The following CHN2 variants were observed in gnomAD, a reference collection of about 807,000 sequenced individuals.
The protein encoded by CHN2 is beta-chimaerin.
Under a neutral mutation model 56.3 loss-of-function variants are expected in CHN2, and 35 were observed. The observed-to-expected ratio is 0.62, with a 90% CI of 0.47 to 0.82. The LOEUF (loss-of-function observed/expected upper bound fraction) is 0.82, where lower values mean the gene tolerates loss of function less well. Ranked by LOEUF, CHN2 falls within the 40% of genes least tolerant of loss-of-function variation. The probability of loss-of-function intolerance (pLI) is 0.00; values close to 1 mark genes in which losing one functional copy is unlikely to be tolerated. For synonymous variants in CHN2, 210 were observed against 212.8 expected, an observed-to-expected ratio of 0.99 and a Z score of 0.12; for missense variants, 491 against 580.5, an observed-to-expected ratio of 0.85 and a Z score of 1.58.
chr7:29,292,905 C>A (rs1380713711), intron 1 of CHN2: 1 of 456,142 alleles, frequency 2.2e-6, no homozygotes, highest in African/African-American at 2.0e-5. Context: ...CTGGCTGTTT[C>A]CACTCTTGCC....
At chr7:29,307,440 C>T (rs1045408679) in intron 1 of CHN2, among the ~76,000 whole-genome samples, 1 of 152,172 alleles carries the variant, frequency 6.6e-6, no homozygotes, top group Non-Finnish European at 1.5e-5. Context: ...ATGGTCCCTG[C>T]AAACATGTCT....
At chr7:29,351,107 C>CAAAAA (rs55787771) in intron 1 of CHN2, among the ~76,000 whole-genome samples, 15,165 of 69,640 alleles carry the variant, frequency 0.22, 1,543 homozygotes, top group Non-Finnish European at 0.32. Context: ...GACTCCATCT[C>CAAAAA]AAAAAAAAAA....
At chr7:29,162,065 A>G (rs1295542817) in intron 2 of CHN2, among the ~76,000 whole-genome samples, 1 of 152,230 alleles carries the variant, frequency 6.6e-6, no homozygotes, top group Non-Finnish European at 1.5e-5. Flanking sequence ...TCTCTCAGAC[A>G]TCGCTGGTGG....
intron 2 of CHN2, among the ~76,000 whole-genome samples, chr7:29,354,896 G>C (rs1483051991): frequency 6.6e-6 from 1 of 151,824 alleles, no homozygotes; most frequent in African/African-American, 2.4e-5. Context: ...TTAGAAAAGA[G>C]GGGTGGACTT....
intron 6 of CHN2, among the ~76,000 whole-genome samples, chr7:29,477,354 C>T (rs1470910409): frequency 1.3e-5 from 2 of 152,194 alleles, no homozygotes; most frequent in Non-Finnish European, 2.9e-5. Context: ...ACTTGTTATA[C>T]ATACAAGCAC....
chr7:29,310,135 T>C (rs965399113), intron 1 of CHN2, among the ~76,000 whole-genome samples: 2 of 152,066 alleles, frequency 1.3e-5, no homozygotes, highest in African/African-American at 4.8e-5. Flanking sequence ...ACGGATAAAA[T>C]ACATTAAAAT....
intron 6 of CHN2, among the ~76,000 whole-genome samples, chr7:29,456,993 A>G (rs1176857537): frequency 1.3e-5 from 2 of 152,146 alleles, no homozygotes; most frequent in African/African-American, 4.8e-5. Context: ...GCACACTGGT[A>G]TGCCTCTTTT....
At position 29,477,961 on chromosome 7, in the gene CHN2, C is replaced by CA. The variant is rs1175817369; in HGVS notation, c.577-2315dup. Among the ~76,000 whole-genome samples, 3 of 152,312 alleles carry CA rather than the reference C, an allele frequency of 2.0e-5. No individual in the cohort carries two copies. In the East Asian group the frequency reaches 5.8e-4, roughly 29 times the overall value. ...ACACTTTTGTAGGGGGAAACAAAAG[C>CA]AAATTAAGCATAGAGCATGTCACAG... On this transcript the variant is annotated intron_variant, in intron 6 of 12. Coordinates refer to ENST00000222792, the MANE Select transcript of CHN2 (RefSeq NM_004067.4).
chr7:29,293,371 C>CCT (rs1179201281), intron 1 of CHN2, among the ~76,000 whole-genome samples: 1 of 122,110 alleles, frequency 8.2e-6, no homozygotes, highest in African/African-American at 2.9e-5. Flanking sequence ...TGCCCCCCCC[C>CCT]CCCCCCATAT....
intron 1 of CHN2, among the ~76,000 whole-genome samples, chr7:29,269,673 T>C (rs1463879774): frequency 6.6e-6 from 1 of 152,220 alleles, no homozygotes; most frequent in East Asian, 1.9e-4. Flanking sequence ...CCACCAGCAA[T>C]GTAAGAGGAA....
intron 1 of CHN2, among the ~76,000 whole-genome samples, chr7:29,295,097 C>G (rs889409181): frequency 5.3e-5 from 8 of 152,128 alleles, no homozygotes; most frequent in Non-Finnish European, 1.2e-4. Context: ...TAAATCATCT[C>G]TAGACTACTT....
intron 1 of CHN2, among the ~76,000 whole-genome samples, chr7:29,244,838 C>T (rs1419041386): frequency 6.6e-6 from 1 of 152,178 alleles, no homozygotes; most frequent in Non-Finnish European, 1.5e-5. Context: ...TCTATATAAA[C>T]CTTCTAGACC....
chr7:29,373,948 G>A (rs79992234), intron 3 of CHN2, among the ~76,000 whole-genome samples: 2,875 of 152,110 alleles, frequency 0.019, 92 homozygotes, highest in African/African-American at 0.064. Flanking sequence ...GCATTTGGGG[G>A]AACGTGAAAA....
intron 1 of CHN2, among the ~76,000 whole-genome samples, chr7:29,314,869 T>TTA (rs1010026345): frequency 6.2e-4 from 94 of 150,628 alleles, no homozygotes; most frequent in South Asian, 1.7e-3. Context: ...TATATTTGTT[T>TTA]TATATATATA....
At chr7:29,301,637 AG>A (rs1199334425) in intron 1 of CHN2, among the ~76,000 whole-genome samples, 8 of 152,262 alleles carry the variant, frequency 5.3e-5, no homozygotes, top group African/African-American at 1.9e-4. Flanking sequence ...GACCTTAGCA[AG>A]TTTCTTAACA....
rs1199835439 is a variant in CHN2, at chr7:29,514,246, TGTGAA to T, written c.*1517_*1521del. 1 of 152,664 alleles carries T rather than the reference TGTGAA, an allele frequency of 6.6e-6. No homozygotes were observed. The highest frequency in any genetic ancestry group is 1.5e-5 in the Non-Finnish European group (1 of 68,044). The allele number at this position is 152,664 out of a possible 1,614,324, so 9.5% of individuals were successfully genotyped here. Reference sequence around the variant, plus strand: ...AAATTATCTGGAAATGGTTTTATTTTGTGAAGTGAACAATACTTTGTAATTTATGA... The same window carrying T: ...AAATTATCTGGAAATGGTTTTATTTTGTGAACAATACTTTGTAATTTATGA... On this transcript the variant is annotated 3_prime_UTR_variant, in exon 13 of 13. Coordinates refer to ENST00000222792, the MANE Select transcript of CHN2 (RefSeq NM_004067.4).
chr7:29,319,476 C>T, intron 1 of CHN2, among the ~76,000 whole-genome samples: 1 of 152,142 alleles, frequency 6.6e-6, no homozygotes, highest in East Asian at 1.9e-4. Context: ...GCTTTGTATT[C>T]TCTGGAGCCA....
intron 6 of CHN2, among the ~76,000 whole-genome samples, chr7:29,417,912 C>G (rs566553449): frequency 6.6e-6 from 1 of 152,290 alleles, no homozygotes; most frequent in Admixed American, 6.5e-5. Context: ...AGTAAAGACA[C>G]GTGCTAGGGG....
At chr7:29,172,896 C>T (rs1215799195) in intron 2 of CHN2, among the ~76,000 whole-genome samples, 4 of 151,814 alleles carry the variant, frequency 2.6e-5, no homozygotes, top group Admixed American at 1.3e-4. Context: ...TTTGGGAGGC[C>T]GAGGTGGGTG....
Sources: allele counts gnomAD v4.1 joint callset (sites outside exome capture counted in the v4.1 genomes callset), GRCh38; gene constraint gnomAD v4.1.1; transcripts MANE v1.5; gene names NCBI Gene and HGNC (gene_info 2026-07-23, HGNC 2026-07-21).